XXYLT1: variants seen among roughly 807,000 people sequenced by gnomAD.
The protein encoded by XXYLT1 is xyloside xylosyltransferase 1.
A neutral mutation model predicts 28.9 loss-of-function variants in XXYLT1; 20 were observed. That is an observed-to-expected ratio of 0.69 (90% CI 0.49 to 1.00). The LOEUF (loss-of-function observed/expected upper bound fraction) is 1.00, where lower values mean the gene tolerates loss of function less well. Among genes scored for constraint, XXYLT1 ranks in the 50% least tolerant of loss-of-function variants. The probability of loss-of-function intolerance (pLI) is 0.00; values close to 1 mark genes in which losing one functional copy is unlikely to be tolerated. For missense variants in XXYLT1, 542 were observed against 560.1 expected (o/e 0.97, Z 0.33); for synonymous variants, 257 against 253.8 (o/e 1.01, Z -0.12).
chr3:195,147,494 C>T lies in XXYLT1; in HGVS notation c.785+8955G>A, dbSNP rs529580239. 4.1e-4 allele frequency among the ~76,000 whole-genome samples: 63 copies of T among 152,238 alleles called. 1 individual carries two copies. In the South Asian group the frequency reaches 0.012, roughly 30 times the overall value. On this transcript the variant is annotated intron_variant, in intron 3 of 3. Coordinates refer to ENST00000310380, the MANE Select transcript of XXYLT1 (RefSeq NM_152531.5). ...CTGAGGCAGGAGAATCGCTTGAACC[C>T]GGGAGGCGGAGGTTGCAGTGAGCCA... is the stretch of plus-strand genomic sequence containing the variant.
At chr3:195,118,158 CATCT>C (rs1211629482) in intron 3 of XXYLT1, among the ~76,000 whole-genome samples, 1 of 152,232 alleles carries the variant, frequency 6.6e-6, no homozygotes, top group Non-Finnish European at 1.5e-5. Context: ...GCTGAGCACT[CATCT>C]AAGGCATTTC....
intron 1 of XXYLT1, among the ~76,000 whole-genome samples, chr3:195,245,073 G>A (rs1724961999): frequency 6.6e-6 from 1 of 151,460 alleles, no homozygotes; most frequent in East Asian, 2.0e-4. Flanking sequence ...GGCTGAGGCA[G>A]GAGAATTGCT....
At chr3:195,221,813 A>G (rs1401044182) in intron 2 of XXYLT1, among the ~76,000 whole-genome samples, 1 of 152,176 alleles carries the variant, frequency 6.6e-6, no homozygotes, top group African/African-American at 2.4e-5. Context: ...AAATGGAAAT[A>G]AAAGCCCCGT....
chr3:195,075,125 G>A (rs561740572), intron 3 of XXYLT1, among the ~76,000 whole-genome samples: 8 of 152,150 alleles, frequency 5.3e-5, no homozygotes, highest in African/African-American at 7.2e-5. Flanking sequence ...GGTGGCGTGC[G>A]CCTGTAATCC....
intron 1 of XXYLT1, among the ~76,000 whole-genome samples, chr3:195,228,815 C>CT: frequency 6.9e-6 from 1 of 145,518 alleles, no homozygotes; most frequent in East Asian, 2.0e-4. Context: ...CTATATGTAT[C>CT]TCTTTTTTTT....
At chr3:195,135,196 G>A (rs997332499) in intron 3 of XXYLT1, among the ~76,000 whole-genome samples, 1 of 152,146 alleles carries the variant, frequency 6.6e-6, no homozygotes, top group Non-Finnish European at 1.5e-5. Flanking sequence ...TGCTGCAGGC[G>A]GAATCCAACA....
chr3:195,243,088 C>T (rs1319013932), intron 1 of XXYLT1, among the ~76,000 whole-genome samples: 2 of 152,136 alleles, frequency 1.3e-5, no homozygotes, highest in Non-Finnish European at 2.9e-5. Flanking sequence ...GAAACCATCA[C>T]TCTCAGCAAA....
intron 3 of XXYLT1, among the ~76,000 whole-genome samples, chr3:195,146,409 C>T (rs906435882): frequency 1.3e-5 from 2 of 152,250 alleles, no homozygotes; most frequent in African/African-American, 4.8e-5. Context: ...ACAAAGCACA[C>T]AGTCCTGCGG....
chr3:195,110,531 G>A (rs1466135830), intron 3 of XXYLT1, among the ~76,000 whole-genome samples: 4 of 46,924 alleles, frequency 8.5e-5, no homozygotes, highest in African/African-American at 2.6e-4. Context: ...CGTGGTGTAC[G>A]TGTGCGTGTG....
At chr3:195,165,103 G>A (rs1002121588) in intron 2 of XXYLT1, among the ~76,000 whole-genome samples, 21 of 152,132 alleles carry the variant, frequency 1.4e-4, no homozygotes, top group Admixed American at 9.8e-4. Flanking sequence ...TACCTCTTTC[G>A]TGTCTCTAAC....
chr3:195,261,064 G>A (rs912458946), intron 1 of XXYLT1, among the ~76,000 whole-genome samples: 1 of 152,216 alleles, frequency 6.6e-6, no homozygotes, highest in Non-Finnish European at 1.5e-5. Context: ...CCTGCTCTCA[G>A]CCTCAGGGAT....
Position 195,069,600 on chromosome 3 carries a change from C to A in XXYLT1, c.*115G>T. On this transcript the variant is annotated 3_prime_UTR_variant, in exon 4 of 4. Transcript: ENST00000310380. ...GCAGGAGGTCTCAGCACCTTAATCA[C>A]AGGACTTCCCTGCGGTGTCTCTCTA... The A allele has an allele frequency of 7.0e-7, 1 of 1,438,684 alleles. No homozygotes were observed. The highest frequency in any genetic ancestry group is 9.3e-7 in the Non-Finnish European group (1 of 1,077,198). The allele number at this position is 1,438,684 out of a possible 1,614,324, so 89.1% of individuals were successfully genotyped here.
At chr3:195,141,384 G>T (rs1719480340) in intron 3 of XXYLT1, among the ~76,000 whole-genome samples, 1 of 152,176 alleles carries the variant, frequency 6.6e-6, no homozygotes, top group Admixed American at 6.5e-5. Context: ...CTACGTGAGT[G>T]TCATATGTTT....
intron 2 of XXYLT1, chr3:195,184,587 G>A (rs766909493): frequency 2.6e-4 from 249 of 974,982 alleles, no homozygotes; most frequent in Non-Finnish European, 2.9e-4. Context: ...TGGTTTGGAA[G>A]AACCCCCCCA....
intron 3 of XXYLT1, chr3:195,147,831 C>T (rs1037763263): frequency 2.6e-5 from 4 of 152,372 alleles, no homozygotes; most frequent in Admixed American, 1.3e-4. Context: ...TCCACGCATT[C>T]ACTTCCTCAC....
chr3:195,077,175 T>C lies in XXYLT1; in HGVS notation c.786-7064A>G, dbSNP rs1250006752. On this transcript the variant is annotated intron_variant, in intron 3 of 3. Transcript: ENST00000310380. This position sits in a 1 kb window ranked among gnomAD's most constrained non-coding sequence, Gnocchi z 4.8. ...CCCACAGTGGGCGGGGCAGCCTCTGTCCAGGGAAAGGCAGGTGTCAGTGGC... is the reference window on the plus strand; with the variant it reads ...CCCACAGTGGGCGGGGCAGCCTCTGCCCAGGGAAAGGCAGGTGTCAGTGGC... Among the ~76,000 whole-genome samples the C allele has an allele frequency of 6.6e-6, 1 of 151,962 alleles. No individual in the cohort carries two copies. Among genetic ancestry groups the C allele is most frequent in the Admixed American group, 6.6e-5 (1 of 15,262 alleles).
intron 3 of XXYLT1, 46 bp downstream of exon 3, chr3:195,156,403 G>A (rs2108682700): frequency 1.2e-6 from 2 of 1,600,364 alleles, no homozygotes; most frequent in South Asian, 1.1e-5. Context: ...GAGGGTGAAG[G>A]GTGGGGAGGG....
At chr3:195,111,176 G>A (rs1717693811) in intron 3 of XXYLT1, among the ~76,000 whole-genome samples, 1 of 151,964 alleles carries the variant, frequency 6.6e-6, no homozygotes, top group South Asian at 2.1e-4. Context: ...GCACGCAGAA[G>A]CAAAGCCGTG....
chr3:195,157,732 G>A lies in XXYLT1; in HGVS notation c.653-1151C>T, dbSNP rs192304517. 2.1e-4 allele frequency among the ~76,000 whole-genome samples: 32 copies of A among 152,354 alleles called. No individual in the cohort carries two copies. The East Asian group carries it at 6.0e-3, about 28-fold the overall frequency. On this transcript the variant is annotated intron_variant, in intron 2 of 3. Coordinates refer to ENST00000310380, the MANE Select transcript of XXYLT1 (RefSeq NM_152531.5). ...TGCTGAAGCCTGAAATGGAAGAGCA[G>A]CTGTGGGAGGTCCAAAGAGGGGGCG...
Sources: gnomAD v4.1 joint callset for allele counts (sites outside exome capture counted in the v4.1 genomes callset) on GRCh38, gnomAD v4.1.1 for gene constraint, Gnocchi (gnomAD v3.1) non-coding constraint, MANE v1.5 for transcripts, NCBI Gene and HGNC (gene_info 2026-07-23, HGNC 2026-07-21) for gene names.